EDIL3: variants seen among roughly 807,000 people sequenced by gnomAD.
EDIL3 encodes the protein EGF-like repeat and discoidin I-like domain-containing protein 3.
A neutral mutation model predicts 67.4 loss-of-function variants in EDIL3; 37 were observed. That is an observed-to-expected ratio of 0.55 (90% CI 0.42 to 0.72). The LOEUF (loss-of-function observed/expected upper bound fraction) is 0.72. Ranked by LOEUF, EDIL3 falls within the 30% of genes least tolerant of loss-of-function variation. EDIL3 has a pLI of 0.00. For missense variants in EDIL3, 527 were observed against 586.3 expected, an observed-to-expected ratio of 0.90 and a Z score of 1.04; for synonymous variants, 195 against 196.3, an observed-to-expected ratio of 0.99 and a Z score of 0.05.
In EDIL3 at chr5:84,134,434, T is replaced by C. The variant is rs116568898; in HGVS notation, c.469+2807A>G. On this transcript the variant is annotated intron_variant, in intron 5 of 10. Coordinates refer to ENST00000296591, the MANE Select transcript of EDIL3 (RefSeq NM_005711.5). ...TCCAGAAGAAAGGTTGTCAATCATA[T>C]TCCAGGGTAGAAACCAGCACAGGAG... 1.4e-3 allele frequency among the ~76,000 whole-genome samples: 207 copies of C among 152,280 alleles called. 3 individuals carry two copies. The highest frequency in any genetic ancestry group is 4.7e-3 in the African/African-American group (196 of 41,572).
intron 6 of EDIL3, among the ~76,000 whole-genome samples, chr5:84,088,179 T>G (rs1002953485): frequency 4.6e-5 from 7 of 152,216 alleles, no homozygotes; most frequent in Non-Finnish European, 8.8e-5. Flanking sequence ...TCCAAATAGC[T>G]CTCTACAAAT....
intron 1 of EDIL3, among the ~76,000 whole-genome samples, chr5:84,257,952 G>A (rs544122128): frequency 6.6e-5 from 10 of 152,178 alleles, no homozygotes; most frequent in South Asian, 4.1e-4. Flanking sequence ...ATTGTAGCCC[G>A]GTATAAATGT....
chr5:84,371,219 G>A (rs1747837262), intron 1 of EDIL3, among the ~76,000 whole-genome samples: 1 of 150,308 alleles, frequency 6.7e-6, no homozygotes, highest in African/African-American at 2.4e-5. Context: ...TGGATAAGAT[G>A]ACCAGAGAGA....
At chr5:84,043,436 A>C (rs573158494) in intron 9 of EDIL3, among the ~76,000 whole-genome samples, 1 of 152,336 alleles carries the variant, frequency 6.6e-6, no homozygotes, top group African/African-American at 2.4e-5. Flanking sequence ...TTGTTATATG[A>C]AGTAGGAACA....
chr5:84,268,092 G>A (rs1260206837), intron 1 of EDIL3, among the ~76,000 whole-genome samples: 17 of 152,086 alleles, frequency 1.1e-4, no homozygotes, highest in African/African-American at 3.6e-4. Context: ...AGCCAAGATC[G>A]CGCCACTGCA....
intron 5 of EDIL3, among the ~76,000 whole-genome samples, chr5:84,121,565 C>CTATTA (rs1747776199): frequency 6.6e-6 from 1 of 151,206 alleles, no homozygotes; most frequent in East Asian, 1.9e-4. Flanking sequence ...ATCTATCTAT[C>CTATTA]TATCTATCTA....
chr5:84,132,133 G>A (rs1747977548), intron 5 of EDIL3, among the ~76,000 whole-genome samples: 1 of 149,936 alleles, frequency 6.7e-6, no homozygotes, highest in African/African-American at 2.5e-5. Context: ...TACTTGGGAG[G>A]CTGAGGCAGG....
chr5:84,135,851 C>T (rs955418882), intron 5 of EDIL3, among the ~76,000 whole-genome samples: 3 of 151,864 alleles, frequency 2.0e-5, no homozygotes, highest in African/African-American at 7.3e-5. Context: ...CAAGATTTCT[C>T]TATGATATTC....
chr5:84,257,852 G>A (rs1745148614), intron 1 of EDIL3, among the ~76,000 whole-genome samples: 3 of 152,126 alleles, frequency 2.0e-5, no homozygotes, highest in Middle Eastern at 3.2e-3. Context: ...AAAGAGAAAC[G>A]AAGAGAGGAG....
chr5:83,961,077 T>C (rs1278904184), intron 10 of EDIL3, among the ~76,000 whole-genome samples: 1 of 151,078 alleles, frequency 6.6e-6, no homozygotes, highest in Non-Finnish European at 1.5e-5. Context: ...TTAATCGATA[T>C]CTATTAATAT....
intron 4 of EDIL3, among the ~76,000 whole-genome samples, chr5:84,147,645 C>T (rs1748312398): frequency 1.3e-5 from 2 of 151,676 alleles, no homozygotes; most frequent in African/African-American, 4.8e-5. Flanking sequence ...ACGTTTTTAC[C>T]AAGTGGGGCT....
chr5:84,141,930 T>TATATATATATAC (rs1748201001), intron 4 of EDIL3, among the ~76,000 whole-genome samples: 1 of 125,638 alleles, frequency 8.0e-6, no homozygotes. Flanking sequence ...TATACACATA[T>TATATATATATAC]ATATATATAT....
At chr5:84,174,470 G>T (rs555925834) in intron 4 of EDIL3, among the ~76,000 whole-genome samples, 3 of 152,158 alleles carry the variant, frequency 2.0e-5, no homozygotes, top group African/African-American at 7.2e-5. Flanking sequence ...TGGAATGGAG[G>T]GGGTACCTAT....
At chr5:84,109,525 A>G (rs1747522258) in intron 5 of EDIL3, among the ~76,000 whole-genome samples, 1 of 152,110 alleles carries the variant, frequency 6.6e-6, no homozygotes, top group African/African-American at 2.4e-5. Context: ...AACAAAACAA[A>G]AAAGCAAAAC....
intron 1 of EDIL3, among the ~76,000 whole-genome samples, chr5:84,354,915 A>AT (rs1343132349): frequency 6.6e-6 from 1 of 151,712 alleles, no homozygotes; most frequent in Admixed American, 6.6e-5. Context: ...ATCACCTATT[A>AT]TTTTTTCCTT....
chr5:84,133,516 G>A (rs949947189), intron 5 of EDIL3, among the ~76,000 whole-genome samples: 4 of 149,918 alleles, frequency 2.7e-5, no homozygotes, highest in African/African-American at 9.8e-5. Context: ...CGTGCCTGTA[G>A]TGCCAGCTGC....
chr5:84,162,473 T>C (rs376862222), intron 4 of EDIL3, among the ~76,000 whole-genome samples: 1 of 152,128 alleles, frequency 6.6e-6, no homozygotes, highest in African/African-American at 2.4e-5. Flanking sequence ...GATGGTCAGG[T>C]TGAAACATGG....
At chr5:84,317,544 G>T (rs377524697) in intron 1 of EDIL3, among the ~76,000 whole-genome samples, 1 of 152,122 alleles carries the variant, frequency 6.6e-6, no homozygotes, top group South Asian at 2.1e-4. Context: ...ACTAAACTAG[G>T]AAGAAGTCGA....
chr5:84,358,160 A>G (rs1408073954), intron 1 of EDIL3, among the ~76,000 whole-genome samples: 1 of 152,176 alleles, frequency 6.6e-6, no homozygotes, highest in Admixed American at 6.5e-5. Flanking sequence ...TGAATGCAAT[A>G]CAAATGGAGA....
Sources: allele counts gnomAD v4.1 joint callset (sites outside exome capture counted in the v4.1 genomes callset), GRCh38; gene constraint gnomAD v4.1.1; transcripts MANE v1.5; gene names NCBI Gene and HGNC (gene_info 2026-07-23, HGNC 2026-07-21).